Variants in PTPRT observed in about 807,000 individuals in gnomAD.
PTPRT encodes protein tyrosine phosphatase receptor type T.
PTPRT carries 56 observed loss-of-function variants against 176.8 expected under a neutral mutation model. The observed-to-expected ratio is 0.32, with a 90% CI of 0.26 to 0.40. PTPRT has a LOEUF of 0.40. PTPRT is among the 10% of genes least tolerant of loss of function. The probability of loss-of-function intolerance (pLI) is 1.00; values close to 1 mark genes in which losing one functional copy is unlikely to be tolerated. For missense variants in PTPRT, 1,540 were observed against 1,908.2 expected (o/e 0.81, Z 3.60); for synonymous variants, 783 against 739.0 (o/e 1.06, Z -0.96).
chr20:42,855,403 T>G (rs574044637), intron 2 of PTPRT, among the ~76,000 whole-genome samples: 2 of 148,984 alleles, frequency 1.3e-5, no homozygotes, highest in East Asian at 3.9e-4. Context: ...TGGGCCAAAA[T>G]GAAAGAAGAG....
intron 4 of PTPRT, among the ~76,000 whole-genome samples, chr20:42,776,848 A>G (rs1453287138): frequency 2.7e-5 from 4 of 148,650 alleles, no homozygotes; most frequent in African/African-American, 9.8e-5. Flanking sequence ...CTTCTATATA[A>G]TGCTTGTACA....
intron 11 of PTPRT, among the ~76,000 whole-genome samples, chr20:42,330,500 A>AATTAAAAT (rs1040156025): frequency 6.6e-6 from 1 of 151,698 alleles, no homozygotes; most frequent in Non-Finnish European, 1.5e-5. Flanking sequence ...AATAAAAAAT[A>AATTAAAAT]ATTAAAATAT....
At position 42,133,975 on chromosome 20, in the gene PTPRT, C is replaced by T. The variant is rs117615223; in HGVS notation, c.2771-5145G>A. ...AGAAACTTGGTGCTCTCCACTTGAC[C>T]TCTGTACCAAATACAGATCCATCTA... On this transcript the variant is annotated intron_variant, in intron 18 of 30. Transcript: ENST00000373187. 3.3e-5 allele frequency among the ~76,000 whole-genome samples: 5 copies of T among 152,298 alleles called. No individual in the cohort carries two copies. In the East Asian group the frequency reaches 9.7e-4, roughly 29 times the overall value.
the PTPRT span, among the ~76,000 whole-genome samples, chr20:42,051,327 A>C: frequency 6.6e-6 from 1 of 152,214 alleles, no homozygotes; most frequent in East Asian, 1.9e-4. Flanking sequence ...TTTCTGCAGG[A>C]GTAACTCTGA....
intron 29 of PTPRT, among the ~76,000 whole-genome samples, chr20:42,083,799 G>A (rs1000131376): frequency 1.3e-5 from 2 of 152,136 alleles, no homozygotes; most frequent in African/African-American, 4.8e-5. Flanking sequence ...TCCTCAAATC[G>A]TTGAAGTTCT....
At chr20:42,631,276 C>T (rs940069860) in intron 7 of PTPRT, among the ~76,000 whole-genome samples, 1 of 152,118 alleles carries the variant, frequency 6.6e-6, no homozygotes, top group African/African-American at 2.4e-5. Flanking sequence ...TATGAAAAAG[C>T]ATTTTTTTCT....
intron 1 of PTPRT, among the ~76,000 whole-genome samples, chr20:42,910,435 G>A (rs2145931655): frequency 6.6e-6 from 1 of 152,232 alleles, no homozygotes; most frequent in South Asian, 2.1e-4. Context: ...TATTTTGGGG[G>A]GAAAAACTAT....
At chr20:42,673,762 T>C (rs2075451920) in intron 7 of PTPRT, among the ~76,000 whole-genome samples, 1 of 152,164 alleles carries the variant, frequency 6.6e-6, no homozygotes, top group Non-Finnish European at 1.5e-5. Context: ...AATTTCAACA[T>C]ATGAATTTTA....
intron 7 of PTPRT, among the ~76,000 whole-genome samples, chr20:42,524,332 T>C (rs180732422): frequency 6.6e-6 from 1 of 152,332 alleles, no homozygotes; most frequent in East Asian, 1.9e-4. Flanking sequence ...GACTTTCCTA[T>C]GAGATTTTAT....
At chr20:42,968,664 T>A (rs2146056909) in intron 1 of PTPRT, 1 of 152,370 alleles carries the variant, frequency 6.6e-6, no homozygotes, top group South Asian at 2.1e-4. Context: ...TATGCATCAT[T>A]CATTTACTCC....
intron 1 of PTPRT, among the ~76,000 whole-genome samples, chr20:42,900,096 T>C (rs2079375686): frequency 1.3e-5 from 2 of 152,156 alleles, no homozygotes; most frequent in African/African-American, 4.8e-5. Context: ...TGGCCAGAGA[T>C]ATTCCGCAAA....
intron 1 of PTPRT, among the ~76,000 whole-genome samples, chr20:42,962,351 T>A (rs972943506): frequency 3.3e-5 from 5 of 152,060 alleles, no homozygotes; most frequent in Non-Finnish European, 7.4e-5. Flanking sequence ...CAGGTACCAG[T>A]GCAGACAGAA....
At chr20:42,833,973 G>A (rs562467595) in intron 2 of PTPRT, among the ~76,000 whole-genome samples, 24 of 152,098 alleles carry the variant, frequency 1.6e-4, no homozygotes, top group African/African-American at 5.5e-4. Flanking sequence ...AATAAGACAC[G>A]TCTTAGTGTC....
At chr20:42,932,317 G>T (rs1344838949) in intron 1 of PTPRT, among the ~76,000 whole-genome samples, 5 of 152,230 alleles carry the variant, frequency 3.3e-5, no homozygotes, top group African/African-American at 1.2e-4. Context: ...GGGGGCATGT[G>T]CCTGGTCTAG....
At chr20:42,938,108 T>A (rs1218009224) in intron 1 of PTPRT, among the ~76,000 whole-genome samples, 1 of 152,172 alleles carries the variant, frequency 6.6e-6, no homozygotes, top group Non-Finnish European at 1.5e-5. Flanking sequence ...ATGCTACAAG[T>A]GGTTTAAAAG....
At chr20:42,528,489 T>C (rs969278913) in intron 7 of PTPRT, among the ~76,000 whole-genome samples, 2 of 152,126 alleles carry the variant, frequency 1.3e-5, no homozygotes, top group African/African-American at 4.8e-5. Flanking sequence ...CAATATTTCA[T>C]GTTAAAGACA....
intron 13 of PTPRT, among the ~76,000 whole-genome samples, chr20:42,259,610 G>C (rs929891630): frequency 6.6e-6 from 1 of 152,214 alleles, no homozygotes; most frequent in African/African-American, 2.4e-5. Flanking sequence ...TCAGGTATAA[G>C]GTTGTCTAAG....
intron 9 of PTPRT, among the ~76,000 whole-genome samples, chr20:42,404,979 T>C (rs1325178827): frequency 7.0e-6 from 1 of 142,424 alleles, no homozygotes; most frequent in East Asian, 2.0e-4. Context: ...TAATTATATA[T>C]ATATATATAC....
intron 6 of PTPRT, among the ~76,000 whole-genome samples, chr20:42,737,556 C>T (rs1456990457): frequency 1.3e-4 from 19 of 151,428 alleles, no homozygotes; most frequent in Admixed American, 1.2e-3. Context: ...GGCTTGAACC[C>T]GGGAGACGGA....
Sources: allele counts gnomAD v4.1 joint callset (sites outside exome capture counted in the v4.1 genomes callset), GRCh38; gene constraint gnomAD v4.1.1; transcripts MANE v1.5; gene names NCBI Gene and HGNC (gene_info 2026-07-23, HGNC 2026-07-21).